The following LPCAT1 variants were observed in gnomAD, a reference collection of about 807,000 sequenced individuals.
LPCAT1 encodes lysophosphatidylcholine acyltransferase 1.
A neutral mutation model predicts 60.9 loss-of-function variants in LPCAT1; 23 were observed. The observed-to-expected ratio is 0.38, with a 90% CI of 0.27 to 0.53. LPCAT1 has a LOEUF of 0.53. LPCAT1 is among the 20% of genes least tolerant of loss of function. LPCAT1 has a pLI of 0.82. For missense variants in LPCAT1, 622 were observed against 723.6 expected (o/e 0.86, Z 1.61); for synonymous variants, 340 against 301.1 (o/e 1.13, Z -1.34).
rs761292955 is a variant in LPCAT1, at chr5:1,480,603, G to A, written c.761+339C>T. The stretch of plus-strand genomic sequence containing the variant: ...ACTCAGTCTCTGTGCCTGTGCAGAC[G>A]GGGTCCCCCCAGACACCCCTAAATC... On this transcript the variant is annotated intron_variant, in intron 7 of 13. Transcript: ENST00000283415. This position sits in a 1 kb window ranked among gnomAD's most constrained non-coding sequence, Gnocchi z 6.4. 5.9e-5 allele frequency among the ~76,000 whole-genome samples: 9 copies of A among 152,124 alleles called. No homozygotes were observed. Among genetic ancestry groups the A allele is most frequent in the South Asian group, 2.1e-4 (1 of 4,824 alleles).
chr5:1,469,089 C>T (rs1352473823), intron 12 of LPCAT1, among the ~76,000 whole-genome samples: 3 of 152,220 alleles, frequency 2.0e-5, no homozygotes, highest in Non-Finnish European at 4.4e-5. Flanking sequence ...GGCGGAGCTG[C>T]TGAGGGTGGA....
rs1480454842 is a variant in LPCAT1 at position 1,476,398 on chromosome 5, G to A, written c.899+1006C>T. Among the ~76,000 whole-genome samples, 2 of 152,196 alleles carry A rather than the reference G, an allele frequency of 1.3e-5. No individual in the cohort carries two copies. Among genetic ancestry groups the A allele is most frequent in the Non-Finnish European group, 2.9e-5 (2 of 68,040 alleles). On this transcript the variant is annotated intron_variant, in intron 9 of 13. Coordinates refer to ENST00000283415, the MANE Select transcript of LPCAT1 (RefSeq NM_024830.5). The surrounding 1 kb of genome is among the most constrained non-coding windows in gnomAD (Gnocchi z 8.6). The stretch of plus-strand genomic sequence containing the variant: ...GCTTTGGGAGGGAGAGGATGGGAAC[G>A]TGAGGGAACGGGCCGCCCAGCTGAA...
At position 1,474,708 on chromosome 5, in the gene LPCAT1, G is replaced by A. The variant is rs372713675; in HGVS notation, c.900-23C>T. ...GCCCTACAAGGAGGGCAGCACCCCC[G>A]TCAGCCCAGCCTCGTGGCAGCCAGT... is the stretch of plus-strand genomic sequence containing the variant. On this transcript the variant is annotated intron_variant, in intron 9 of 13. Transcript: ENST00000283415. 40 of 1,605,816 alleles carry A rather than the reference G, an allele frequency of 2.5e-5. 1 individual carries two copies. Among genetic ancestry groups the A allele is most frequent in the South Asian group, 6.6e-5 (6 of 90,484 alleles).
rs1734933903 is a variant in LPCAT1, at chr5:1,476,730, T to G, written c.899+674A>C. On this transcript the variant is annotated intron_variant, in intron 9 of 13. Transcript: ENST00000283415. This position sits in a 1 kb window ranked among gnomAD's most constrained non-coding sequence, Gnocchi z 8.6. Reference sequence around the variant, plus strand: ...GCATTCACGTGGGGGTAAATCCAGGTGGGAGGACCTGGTTGCAAGGACAAG... The same window carrying G: ...GCATTCACGTGGGGGTAAATCCAGGGGGGAGGACCTGGTTGCAAGGACAAG... Among the ~76,000 whole-genome samples, 1 of 148,696 alleles carries G rather than the reference T, an allele frequency of 6.7e-6. No individual in the cohort carries two copies. Among genetic ancestry groups the G allele is most frequent in the Admixed American group, 6.7e-5 (1 of 14,946 alleles).
At position 1,476,783 on chromosome 5, in the gene LPCAT1, G is replaced by A. The variant is rs1734936766; in HGVS notation, c.899+621C>T. Among the ~76,000 whole-genome samples the A allele has an allele frequency of 2.0e-5, 3 of 151,890 alleles. No individual in the cohort carries two copies. The South Asian group carries it at 6.2e-4, about 32-fold the overall frequency. On this transcript the variant is annotated intron_variant, in intron 9 of 13. Transcript: ENST00000283415. This position sits in a 1 kb window ranked among gnomAD's most constrained non-coding sequence, Gnocchi z 8.6. ...TGGGGGGAATGGGACCTGAGGGATG[G>A]AAGGTGCTGAGGGAGGGAGATGGGG...
In LPCAT1 at chr5:1,502,084, G is replaced by A. The variant is rs1250054760; in HGVS notation, c.136-481C>T. Among the ~76,000 whole-genome samples, 1 of 152,236 alleles carries A rather than the reference G, an allele frequency of 6.6e-6. No individual in the cohort carries two copies. The highest frequency in any genetic ancestry group is 1.5e-5 in the Non-Finnish European group (1 of 68,034). On this transcript the variant is annotated intron_variant, in intron 1 of 13. Transcript: ENST00000283415. The surrounding 1 kb of genome is among the most constrained non-coding windows in gnomAD (Gnocchi z 5.5). The stretch of plus-strand genomic sequence containing the variant: ...ACCATGGCTGTGGACACTGGCCAGT[G>A]CTAACTGACATGCTCCACACCCACT...
intron 2 of LPCAT1, among the ~76,000 whole-genome samples, 199 bp downstream of exon 2, chr5:1,501,262 C>T (rs548447520): frequency 1.3e-5 from 2 of 152,220 alleles, no homozygotes; most frequent in East Asian, 1.9e-4. Context: ...AGGACTGTGG[C>T]GGAGGCGTGG....
Position 1,521,532 on chromosome 5 carries a change from G to C in LPCAT1, c.135+2178C>G. 4.2e-6 allele frequency: 4 copies of C among 961,580 alleles called. No homozygotes were observed. The highest frequency in any genetic ancestry group is 4.9e-6 in the Non-Finnish European group (4 of 808,192). The allele number at this position is 961,580 out of a possible 1,614,324, so 59.6% of individuals were successfully genotyped here. ...TAAAAGCTTTGCAAAGCAATGCTTG[G>C]TGAAAAGCAAAATGTTTCTGCAGAG... On this transcript the variant is annotated intron_variant, in intron 1 of 13. Coordinates refer to ENST00000283415, the MANE Select transcript of LPCAT1 (RefSeq NM_024830.5). The surrounding 1 kb of genome is among the most constrained non-coding windows in gnomAD (Gnocchi z 4.3).
Position 1,494,949 on chromosome 5 carries a change from G to A in LPCAT1, c.279-35C>T, listed in dbSNP as rs7720850. 6.0e-5 allele frequency: 93 copies of A among 1,545,976 alleles called. No individual in the cohort carries two copies. The African/African-American group carries it at 7.1e-4, about 12-fold the overall frequency. On this transcript the variant is annotated intron_variant, in intron 2 of 13. Coordinates refer to ENST00000283415, the MANE Select transcript of LPCAT1 (RefSeq NM_024830.5). Reference sequence around the variant, plus strand: ...AGGGCGCTGCGTCACGCGGGCACACGTCCGCAGTCTCGGAGTCTGTGTGAG... The same window carrying A: ...AGGGCGCTGCGTCACGCGGGCACACATCCGCAGTCTCGGAGTCTGTGTGAG...
At chr5:1,474,138 T>C in intron 10 of LPCAT1, 28 bp from the exon 11 acceptor site, 1 of 1,599,546 alleles carries the variant, frequency 6.3e-7, no homozygotes, top group Non-Finnish European at 8.5e-7. Flanking sequence ...GAAAGCTTTC[T>C]TTTTCAATAA....
chr5:1,509,874 G>A (rs984818249), intron 1 of LPCAT1, among the ~76,000 whole-genome samples: 1 of 152,156 alleles, frequency 6.6e-6, no homozygotes, highest in African/African-American at 2.4e-5. Flanking sequence ...CTTACCTTTG[G>A]AGCCCGAGGC....
chr5:1,517,015 T>C (rs1014676326), intron 1 of LPCAT1, among the ~76,000 whole-genome samples: 2 of 152,214 alleles, frequency 1.3e-5, no homozygotes, highest in African/African-American at 4.8e-5. Context: ...ATGACGTGGG[T>C]TTCACAGGGA....
intron 1 of LPCAT1, among the ~76,000 whole-genome samples, chr5:1,509,210 G>T (rs964914374): frequency 6.6e-6 from 1 of 152,282 alleles, no homozygotes; most frequent in Non-Finnish European, 1.5e-5. Flanking sequence ...GGCGGCCGGG[G>T]CAGATGCTCA....
chr5:1,466,620 G>A (rs1734416395), intron 13 of LPCAT1, 129 bp downstream of exon 13: 12 of 1,046,052 alleles, frequency 1.1e-5, no homozygotes, highest in Non-Finnish European at 1.6e-5. Flanking sequence ...TTGTTACACA[G>A]GGCAGCCTGG....
At position 1,502,602 on chromosome 5, in the gene LPCAT1, G is replaced by A. The variant is rs1736058389; in HGVS notation, c.136-999C>T. 6.6e-6 allele frequency among the ~76,000 whole-genome samples: 1 copy of A among 152,226 alleles called. No homozygotes were observed. The stretch of plus-strand genomic sequence containing the variant: ...GATCCCAGGCAGCCCAGGGTCTGAG[G>A]ATGGAGGTCCCTCCGGGAGGCGGGC... On this transcript the variant is annotated intron_variant, in intron 1 of 13. Coordinates refer to ENST00000283415, the MANE Select transcript of LPCAT1 (RefSeq NM_024830.5). This position sits in a 1 kb window ranked among gnomAD's most constrained non-coding sequence, Gnocchi z 5.5.
chr5:1,501,122 T>C (rs1178124452), intron 2 of LPCAT1, among the ~76,000 whole-genome samples: 1 of 152,154 alleles, frequency 6.6e-6, no homozygotes, highest in African/African-American at 2.4e-5. Context: ...AGCCTGACTT[T>C]CGTCAGCAAC....
intron 1 of LPCAT1, among the ~76,000 whole-genome samples, chr5:1,519,056 T>C (rs979151102): frequency 6.6e-5 from 10 of 152,012 alleles, no homozygotes; most frequent in Non-Finnish European, 2.9e-5. Context: ...AGCTGCAGAG[T>C]TTTAAAAGTT....
chr5:1,467,820 T>G lies in LPCAT1; in HGVS notation c.1279-930A>C, dbSNP rs192080916. On this transcript the variant is annotated intron_variant, in intron 12 of 13. Coordinates refer to ENST00000283415, the MANE Select transcript of LPCAT1 (RefSeq NM_024830.5). ...TGGGCTCCCTCAGATGGGCCAGCTC[T>G]TCTACCTGGTTCTTCCCCGAGTCCT... Among the ~76,000 whole-genome samples the G allele has an allele frequency of 3.9e-5, 6 of 152,216 alleles. 1 individual carries two copies. The East Asian group carries it at 1.2e-3, about 29-fold the overall frequency.
chr5:1,515,243 C>T (rs1025677748), intron 1 of LPCAT1, among the ~76,000 whole-genome samples: 10 of 147,896 alleles, frequency 6.8e-5, no homozygotes, highest in Non-Finnish European at 1.3e-4. Flanking sequence ...CCGAACTGGC[C>T]GCAGATACAG....
Sources: gnomAD v4.1 joint callset for allele counts (sites outside exome capture counted in the v4.1 genomes callset) on GRCh38, gnomAD v4.1.1 for gene constraint, Gnocchi (gnomAD v3.1) non-coding constraint, MANE v1.5 for transcripts, NCBI Gene and HGNC (gene_info 2026-07-23, HGNC 2026-07-21) for gene names.